Variants in DLC1 observed in about 807,000 individuals in gnomAD.
DLC1 encodes the protein DLC1 Rho GTPase activating protein, also known as rho GTPase-activating protein 7.
In DLC1, 54 loss-of-function variants were observed where a neutral mutation model predicts 140.3. That is an observed-to-expected ratio of 0.38 (90% CI 0.31 to 0.48). The LOEUF (loss-of-function observed/expected upper bound fraction) is 0.48, where lower values mean the gene tolerates loss of function less well. Ranked by LOEUF, DLC1 falls within the 20% of genes least tolerant of loss-of-function variation. The probability of loss-of-function intolerance (pLI) is 0.96; values close to 1 mark genes in which losing one functional copy is unlikely to be tolerated. For synonymous variants in DLC1, 986 were observed against 728.1 expected, an observed-to-expected ratio of 1.35 and a Z score of -5.70; for missense variants, 2,536 against 1,907.0, an observed-to-expected ratio of 1.33 and a Z score of -6.14.
rs141187962 is a variant in DLC1, at chr8:13,393,622, A to T, written c.1245T>A (p.Ser415=). ...SVNQTRVNLS[S]DTESTDLPSS... is the part of the protein sequence containing the mutation. The stretch of plus-strand genomic sequence containing the variant: ...ATGGGAGGTCCGTGGACTCAGTGTC[A>T]GAAGACAAATTTACTCGTGTCTGAT... The change falls in exon 4 of 18, where the codon TCT becomes TCA. Residue 415 remains serine (S), a synonymous_variant. Transcript: ENST00000276297. The T allele has an allele frequency of 8.9e-5, 144 of 1,614,214 alleles. No homozygotes were observed. The highest frequency in any genetic ancestry group is 1.2e-4 in the Non-Finnish European group (141 of 1,180,034).
chr8:13,308,496 AT>A (rs1419022703), intron 4 of DLC1, among the ~76,000 whole-genome samples: 5 of 152,196 alleles, frequency 3.3e-5, no homozygotes. Context: ...AATATATTAC[AT>A]TGTTAAATTT....
At chr8:13,094,627 C>G in intron 12 of DLC1, 132 bp downstream of exon 12, 1 of 1,121,986 alleles carries the variant, frequency 8.9e-7, no homozygotes, top group Non-Finnish European at 1.3e-6. Context: ...GGTCACGCCA[C>G]TGCACTCCAG....
intron 7 of DLC1, among the ~76,000 whole-genome samples, chr8:13,103,258 C>T (rs1819254212): frequency 6.6e-6 from 1 of 151,744 alleles, no homozygotes; most frequent in South Asian, 2.1e-4. Flanking sequence ...TTGCAGTGAG[C>T]CAAGATAGCG....
At chr8:13,210,975 T>G (rs576553220) in intron 5 of DLC1, among the ~76,000 whole-genome samples, 180 of 152,282 alleles carry the variant, frequency 1.2e-3, no homozygotes, top group African/African-American at 4.3e-3. Flanking sequence ...GACTTACAAC[T>G]ACTAAACAAA....
At chr8:13,286,912 A>G (rs1054785895) in intron 5 of DLC1, among the ~76,000 whole-genome samples, 6 of 152,200 alleles carry the variant, frequency 3.9e-5, no homozygotes, top group African/African-American at 1.4e-4. Context: ...ACAGGAGATG[A>G]CAGTCTGCAA....
chr8:13,448,410 C>A lies in DLC1; in HGVS notation c.1024-46791G>T, dbSNP rs191138231. Among the ~76,000 whole-genome samples the A allele has an allele frequency of 1.3e-3, 199 of 151,290 alleles. 5 individuals carry two copies. The East Asian group carries it at 0.034, about 26-fold the overall frequency. On this transcript the variant is annotated intron_variant, in intron 2 of 17. Coordinates refer to ENST00000276297, the MANE Select transcript of DLC1 (RefSeq NM_182643.3). ...ACAGGGTCTCGCTCTGTCACCCAGG[C>A]TGGAGTGCAGTGGTGCAATCTTGGC... is the stretch of plus-strand genomic sequence containing the variant.
intron 10 of DLC1, 27 bp from the exon 11 acceptor site, chr8:13,095,272 G>A (rs372074780): frequency 8.3e-5 from 134 of 1,613,816 alleles, no homozygotes; most frequent in Non-Finnish European, 1.1e-4. Flanking sequence ...AGATGGTGGT[G>A]TTGGCGGAGA....
chr8:13,587,617 ATAT>A (rs1805375256), intron 1 of DLC1, among the ~76,000 whole-genome samples: 1 of 148,942 alleles, frequency 6.7e-6, no homozygotes, highest in Admixed American at 6.7e-5. Context: ...ATATATATAT[ATAT>A]ATATACATTG....
intron 7 of DLC1, 88 bp from the exon 8 acceptor site, chr8:13,102,941 T>G (rs1819219429): frequency 8.7e-7 from 1 of 1,152,890 alleles, no homozygotes; most frequent in Admixed American, 2.1e-5. Context: ...ATTCATATAT[T>G]TAAGGAGTTT....
At chr8:13,100,821 G>T (rs763323890) in intron 8 of DLC1, 51 bp from the exon 9 acceptor site, 16 of 1,514,084 alleles carry the variant, frequency 1.1e-5, no homozygotes, top group Non-Finnish European at 1.4e-5. Flanking sequence ...CAGCCAGCAG[G>T]GAGCAGGGCA....
At chr8:13,265,258 C>A (rs77729940) in intron 5 of DLC1, among the ~76,000 whole-genome samples, 1,583 of 151,958 alleles carry the variant, frequency 0.01, 21 homozygotes, top group African/African-American at 0.036. Flanking sequence ...TGGAACAGGG[C>A]GAAGAAAGCA....
At chr8:13,388,228 T>C (rs988263107) in intron 4 of DLC1, among the ~76,000 whole-genome samples, 2 of 152,054 alleles carry the variant, frequency 1.3e-5, no homozygotes, top group Non-Finnish European at 2.9e-5. Context: ...TAGTATTTTA[T>C]TGGCATTATA....
At chr8:13,497,915 T>A (rs17221614) in intron 2 of DLC1, among the ~76,000 whole-genome samples, 10,514 of 152,264 alleles carry the variant, frequency 0.069, 482 homozygotes, top group Middle Eastern at 0.14. Context: ...TTGACTTCAT[T>A]TAAACTAACT....
chr8:13,188,614 T>C (rs1276624501), intron 5 of DLC1, among the ~76,000 whole-genome samples: 2 of 141,360 alleles, frequency 1.4e-5, no homozygotes, highest in African/African-American at 2.6e-5. Context: ...TTTTTTTTTT[T>C]TTTTTTTTGA....
intron 2 of DLC1, among the ~76,000 whole-genome samples, chr8:13,489,308 C>T (rs1323991979): frequency 1.3e-5 from 2 of 151,438 alleles, no homozygotes; most frequent in African/African-American, 4.9e-5. Context: ...GACATACTTT[C>T]TCAGTTCTCT....
chr8:13,367,443 G>T (rs1284081490), intron 4 of DLC1, among the ~76,000 whole-genome samples: 1 of 152,076 alleles, frequency 6.6e-6, no homozygotes, highest in East Asian at 1.9e-4. Flanking sequence ...CGTCATTAGG[G>T]GGCCCAATAG....
chr8:13,189,530 TG>T (rs1432381304), intron 5 of DLC1, among the ~76,000 whole-genome samples: 2 of 152,064 alleles, frequency 1.3e-5, no homozygotes, highest in African/African-American at 4.8e-5. Context: ...TAAATGCAAC[TG>T]TAATCAAGTA....
chr8:13,382,278 C>T (rs1483933234), intron 4 of DLC1, among the ~76,000 whole-genome samples: 1 of 151,658 alleles, frequency 6.6e-6, no homozygotes, highest in Non-Finnish European at 1.5e-5. Context: ...GAGGCCGAGG[C>T]GGGCGGATCA....
At chr8:13,143,966 C>A (rs2128972971) in intron 5 of DLC1, among the ~76,000 whole-genome samples, 2 of 152,262 alleles carry the variant, frequency 1.3e-5, no homozygotes, top group Admixed American at 1.3e-4. Context: ...CAGCTATCAT[C>A]TGACTGCAGC....
Sources: gnomAD v4.1 joint callset for allele counts (sites outside exome capture counted in the v4.1 genomes callset) on GRCh38, gnomAD v4.1.1 for gene constraint, MANE v1.5 for transcripts, NCBI Gene and HGNC (gene_info 2026-07-23, HGNC 2026-07-21) for gene names.